LPA: variants seen among roughly 807,000 people sequenced by gnomAD.
LPA encodes the protein apolipoprotein(a).
LPA carries 199 observed loss-of-function variants against 197.9 expected under a neutral mutation model. That is an observed-to-expected ratio of 1.01 (90% CI 0.90 to 1.13). The LOEUF (loss-of-function observed/expected upper bound fraction) is 1.13. LPA is among the 50% of genes most tolerant of loss of function. The probability of loss-of-function intolerance (pLI) is 0.00; values close to 1 mark genes in which losing one functional copy is unlikely to be tolerated. For missense variants in LPA, 1,853 were observed against 1,785.8 expected (o/e 1.04, Z -0.68); for synonymous variants, 715 against 639.5 (o/e 1.12, Z -1.78).
chr6:160,573,866 G>C lies in LPA; in HGVS notation c.4631+3270C>G, dbSNP rs113007091. On this transcript the variant is annotated intron_variant, in intron 28 of 38. Transcript: ENST00000316300. Reference sequence around the variant, plus strand: ...GGACTCCATAGGGGTTCCTAGCTTTGGTGGTTTAATGCTCTATTTTTGTGC... The same window carrying C: ...GGACTCCATAGGGGTTCCTAGCTTTCGTGGTTTAATGCTCTATTTTTGTGC... Among the ~76,000 whole-genome samples, 15 of 152,244 alleles carry C rather than the reference G, an allele frequency of 9.9e-5. 1 individual carries two copies. Among genetic ancestry groups the C allele is most frequent in the African/African-American group, 3.6e-4 (15 of 41,544 alleles).
At position 160,594,065 on chromosome 6, in the gene LPA, C is replaced by T. The variant is rs747194685; in HGVS notation, c.3522G>A (p.Gln1174=). 2.5e-6 allele frequency: 4 copies of T among 1,613,992 alleles called. No homozygotes were observed. The South Asian group carries it at 3.3e-5, about 13-fold the overall frequency. ...TGGTAGAGAATGAGCCTCGATAACT[C>T]TGTCCATCACCATGGTAGCAATCCT... ...GVQDCYHGDG[Q]SYRGSFSTTV... The change falls in exon 22 of 39, where the codon CAG becomes CAA. Residue 1174 remains glutamine (Q), a synonymous_variant. Transcript: ENST00000316300.
intron 30 of LPA, among the ~76,000 whole-genome samples, chr6:160,552,511 G>A (rs989841785): frequency 1.3e-5 from 2 of 152,122 alleles, no homozygotes; most frequent in Non-Finnish European, 2.9e-5. Context: ...CAGTGATATT[G>A]CTTTAAAACT....
At chr6:160,549,583 AGCTAAAAG>A (rs1778135210) in intron 30 of LPA, among the ~76,000 whole-genome samples, 1 of 152,252 alleles carries the variant, frequency 6.6e-6, no homozygotes, top group African/African-American at 2.4e-5. Flanking sequence ...CTAGTCGTGT[AGCTAAAAG>A]GCTCTGCATT....
At chr6:160,566,855 T>G (rs192961443) in intron 28 of LPA, among the ~76,000 whole-genome samples, 2 of 152,206 alleles carry the variant, frequency 1.3e-5, no homozygotes, top group South Asian at 4.1e-4. Flanking sequence ...TAGTCTCTGA[T>G]AAAACAGACT....
At chr6:160,584,670 C>T (rs1562331597) in intron 26 of LPA, among the ~76,000 whole-genome samples, 1 of 152,040 alleles carries the variant, frequency 6.6e-6, no homozygotes, top group Non-Finnish European at 1.5e-5. Flanking sequence ...AAATGGCAAA[C>T]ACAAATTTCA....
rs747559145 is a variant in LPA at position 160,556,063 on chromosome 6, T to G, written c.4935A>C (p.Pro1645=). The change falls in exon 30 of 39, where the codon CCA becomes CCC. Residue 1645 remains proline (P), a synonymous_variant. Transcript: ENST00000316300. ...TTTCTGGGGTCCTCTGATGCCGGTG[T>G]GGTGTCATGGATGACCAAGATTGAC... ...RTCQSWSSMT[P]HRHQRTPENY... is the part of the protein sequence containing the mutation. 9 of 1,613,042 alleles carry G rather than the reference T, an allele frequency of 5.6e-6. No individual in the cohort carries two copies. In the South Asian group the frequency reaches 8.8e-5, roughly 16 times the overall value.
intron 26 of LPA, among the ~76,000 whole-genome samples, chr6:160,584,357 A>G (rs191555775): frequency 9.7e-6 from 1 of 103,532 alleles, no homozygotes; most frequent in African/African-American, 3.9e-5. Context: ...TTTGAGATTG[A>G]GTCTTGCTCT....
intron 30 of LPA, among the ~76,000 whole-genome samples, chr6:160,555,151 C>G (rs1307565000): frequency 1.3e-5 from 2 of 151,320 alleles, no homozygotes; most frequent in Non-Finnish European, 2.9e-5. Context: ...TACATTCTTG[C>G]TTTTGCTCTT....
At chr6:160,586,115 C>T (rs368501258) in intron 25 of LPA, among the ~76,000 whole-genome samples, 43 of 152,294 alleles carry the variant, frequency 2.8e-4, no homozygotes, top group Non-Finnish European at 5.3e-4. Context: ...GCTGGACAGG[C>T]TTAGGAGCTT....
chr6:160,605,206 C>T lies in LPA; in HGVS notation c.2786-1G>A, dbSNP rs201878758. The T allele has an allele frequency of 2.0e-5, 33 of 1,613,260 alleles. No homozygotes were observed. The highest frequency in any genetic ancestry group is 2.6e-5 in the Non-Finnish European group (31 of 1,179,820). Reference sequence around the variant, plus strand: ...ACCCCAGGCCTTTGCTCAGTTGGTGCTGAAATGAAAAGAAAAGAAATCAAA... The same window carrying T: ...ACCCCAGGCCTTTGCTCAGTTGGTGTTGAAATGAAAAGAAAAGAAATCAAA... On this transcript the variant is annotated splice_acceptor_variant, in intron 17 of 38. Coordinates refer to ENST00000316300, the MANE Select transcript of LPA (RefSeq NM_005577.4). LOFTEE classifies it high-confidence loss of function.
Position 160,532,560 on chromosome 6 carries a change from G to A in LPA, c.5932C>T (p.His1978Tyr), listed in dbSNP as rs1484279584. The change falls in exon 38 of 39, where the codon CAT (histidine) becomes TAT (tyrosine). Residue 1978 changes from histidine (H) to tyrosine (Y), a missense_variant. Transcript: ENST00000316300. ...CAACTGTCAGTGCCTCTGGCCAAAT[G>A]CTCAGCACAAATATACTTATAGTGA... Reference protein sequence around the residue: ...CNHYKYICAEHLARGTDSCQG... With the variant: ...CNHYKYICAEYLARGTDSCQG... 1.9e-6 allele frequency: 3 copies of A among 1,611,886 alleles called. No homozygotes were observed. Among genetic ancestry groups the A allele is most frequent in the Middle Eastern group, 1.6e-4 (1 of 6,078 alleles).
chr6:160,596,626 C>T (rs1237281781), intron 20 of LPA, among the ~76,000 whole-genome samples: 1 of 152,152 alleles, frequency 6.6e-6, no homozygotes. Context: ...TGCTGGAAAA[C>T]TCCCCTCTTC....
intron 33 of LPA, among the ~76,000 whole-genome samples, chr6:160,544,100 G>A (rs548932185): frequency 6.6e-6 from 1 of 152,232 alleles, no homozygotes; most frequent in Non-Finnish European, 1.5e-5. Context: ...CAGCAGAATT[G>A]CACCTGGGAA....
In LPA at chr6:160,611,457, A is replaced by T. The variant is rs111937435; in HGVS notation, c.2603+105T>A. The T allele has an allele frequency of 1.9e-6, 3 of 1,542,146 alleles. No homozygotes were observed. The Admixed American group carries it at 5.0e-5, about 26-fold the overall frequency. ...CTGAGACATTTTGCTACACCATCTG[A>T]ATCTGACACAAGTTGAGTTCGGAGA... On this transcript the variant is annotated intron_variant, in intron 16 of 38. Coordinates refer to ENST00000316300, the MANE Select transcript of LPA (RefSeq NM_005577.4).
chr6:160,571,470 T>G (rs1778560450), intron 28 of LPA, among the ~76,000 whole-genome samples: 1 of 152,182 alleles, frequency 6.6e-6, no homozygotes, highest in Non-Finnish European at 1.5e-5. Context: ...GGAGCTGCAC[T>G]CACAGCCACC....
chr6:160,590,833 G>A, intron 23 of LPA, 111 bp downstream of exon 23: 1 of 1,440,676 alleles, frequency 6.9e-7, no homozygotes, highest in Middle Eastern at 1.7e-4. Context: ...CTGACCCTGA[G>A]TCCACATTCA....
intron 20 of LPA, among the ~76,000 whole-genome samples, chr6:160,598,914 C>T (rs1779182023): frequency 6.6e-6 from 1 of 152,188 alleles, no homozygotes. Flanking sequence ...GTTGTATTAA[C>T]CCTCAGCCGA....
chr6:160,581,723 A>G (rs376841409), intron 26 of LPA, among the ~76,000 whole-genome samples: 6 of 152,158 alleles, frequency 3.9e-5, no homozygotes, highest in Admixed American at 2.6e-4. Context: ...TGATTCTAGC[A>G]TATACATTCT....
At chr6:160,610,887 C>A (rs568386876) in intron 16 of LPA, among the ~76,000 whole-genome samples, 4 of 152,134 alleles carry the variant, frequency 2.6e-5, no homozygotes, top group East Asian at 1.9e-4. Context: ...ATGTAGAAAC[C>A]ATTTTTCCAT....
Sources: gnomAD v4.1 joint callset for allele counts (sites outside exome capture counted in the v4.1 genomes callset) on GRCh38, gnomAD v4.1.1 for gene constraint, MANE v1.5 for transcripts, NCBI Gene and HGNC (gene_info 2026-07-23, HGNC 2026-07-21) for gene names.